EIF4EBP3: variants seen among roughly 807,000 people sequenced by gnomAD.
EIF4EBP3 encodes eukaryotic translation initiation factor 4E binding protein 3.
EIF4EBP3 carries 11 observed loss-of-function variants against 12.1 expected under a neutral mutation model. The ratio of observed to expected loss-of-function variants is 0.91; its 90% confidence interval spans 0.57 to 1.51. The LOEUF is 1.51. Ranked by LOEUF, EIF4EBP3 falls within the 40% of genes most tolerant of loss-of-function variation. The probability of loss-of-function intolerance (pLI) is 0.00; values close to 1 mark genes in which losing one functional copy is unlikely to be tolerated. For synonymous variants in EIF4EBP3, 43 were observed against 54.2 expected, an observed-to-expected ratio of 0.79 and a Z score of 0.91; for missense variants, 136 against 131.8, an observed-to-expected ratio of 1.03 and a Z score of -0.16.
At chr5:140,547,884 C>T (rs1399285564) in intron 1 of EIF4EBP3, 44 bp downstream of exon 1, 1 of 1,377,986 alleles carries the variant, frequency 7.3e-7, no homozygotes, top group Non-Finnish European at 9.5e-7. Flanking sequence ...GACATATTAG[C>T]GCGTGCGTGT....
Position 140,548,959 on chromosome 5 carries a change from A to G in EIF4EBP3, c.157A>G (p.Ile53Val), listed in dbSNP as rs745959281. The change falls in exon 2 of 3, where the codon ATT (isoleucine) becomes GTT (valine). Residue 53 changes from isoleucine to valine, a missense_variant. Ile to Val is a conservative substitution (Grantham distance 29, BLOSUM62 3). Coordinates refer to ENST00000310331, the MANE Select transcript of EIF4EBP3 (RefSeq NM_003732.3). ...CCTGCTGGAGTGCAAGAACTCACCC[A>G]TTGCCCGGACACCCCCCTGCTGCCT... ...KFLLECKNSP[I>V]ARTPPCCLPQ... is the part of the protein sequence containing the mutation. 2 of 1,613,922 alleles carry G rather than the reference A, an allele frequency of 1.2e-6. No homozygotes were observed. Among genetic ancestry groups the G allele is most frequent in the Admixed American group, 1.7e-5 (1 of 60,002 alleles).
rs755831605 is a variant in EIF4EBP3, at chr5:140,549,055, G to C, written c.253G>C (p.Glu85Gln). The C allele has an allele frequency of 6.2e-7, 1 of 1,614,064 alleles. No individual in the cohort carries two copies. Among genetic ancestry groups the C allele is most frequent in the Non-Finnish European group, 8.5e-7 (1 of 1,179,930 alleles). The change falls in exon 2 of 3, where the codon GAG becomes CAG. Residue 85 changes from glutamate to glutamine, a missense_variant. Glu to Gln is a conservative substitution (Grantham distance 29, BLOSUM62 2). Coordinates refer to ENST00000310331, the MANE Select transcript of EIF4EBP3 (RefSeq NM_003732.3). ...CAAGCTGGAGGAGCTGAAGGAGCAG[G>C]AGACAGAGGAAGAGATACCCGGTAA... ...LSKLEELKEQETEEEIPDDAQ... is the reference protein window; with the variant it reads ...LSKLEELKEQQTEEEIPDDAQ...
Position 140,547,836 on chromosome 5 carries a change from C to T in EIF4EBP3, c.99C>T (p.Pro33=), listed in dbSNP as rs1439549904. The change falls in exon 1 of 3, where the codon CCC becomes CCT. Residue 33 remains proline (P), a synonymous_variant. Transcript: ENST00000310331. ...GGGGCACGCTATACGCCACTACCCC[C>T]GGAGGTCAGCGGGCCGGGCAGGGGT... is the stretch of plus-strand genomic sequence containing the variant. ...TPGGTLYATT[P]GGTRIIYDRK... The T allele has an allele frequency of 4.2e-6, 6 of 1,445,146 alleles. No homozygotes were observed. The allele number at this position is 1,445,146 out of a possible 1,614,324, so 89.5% of individuals were successfully genotyped here.
Position 140,549,003 on chromosome 5 carries a change from C to T in EIF4EBP3, c.201C>T (p.Val67=). ...GCTGCCTCCCTCAGATTCCCGGGGT[C>T]ACAACTCCTCCAACAGCCCCTCTCT... ...PPCCLPQIPG[V]TTPPTAPLSK... The change falls in exon 2 of 3, where the codon GTC becomes GTT. Residue 67 remains valine (V), a synonymous_variant. Transcript: ENST00000310331. The T allele has an allele frequency of 6.2e-7, 1 of 1,614,126 alleles. No individual in the cohort carries two copies. The highest frequency in any genetic ancestry group is 1.3e-5 in the African/African-American group (1 of 75,028).
In EIF4EBP3 at chr5:140,547,845, G is replaced by A. The variant is rs1754415851; in HGVS notation, c.103+5G>A. 2.1e-6 allele frequency: 3 copies of A among 1,439,376 alleles called. No homozygotes were observed. The East Asian group carries it at 8.6e-5, about 41-fold the overall frequency. 89.2% of individuals were successfully genotyped at this position (1,439,376 alleles called of 1,614,324 possible). A position where few individuals can be genotyped will look rare whatever the true frequency, so the allele number is the denominator to read the frequency against. On this transcript the variant is annotated splice_donor_5th_base_variant and intron_variant, in intron 1 of 2. Coordinates refer to ENST00000310331, the MANE Select transcript of EIF4EBP3 (RefSeq NM_003732.3). ...TATACGCCACTACCCCCGGAGGTCAGCGGGCCGGGCAGGGGTCCGCAGGCT... is the reference window on the plus strand; with the variant it reads ...TATACGCCACTACCCCCGGAGGTCAACGGGCCGGGCAGGGGTCCGCAGGCT...
chr5:140,549,084 A>G lies in EIF4EBP3; in HGVS notation c.274+8A>G, dbSNP rs1754464954. 1 of 1,614,022 alleles carries G rather than the reference A, an allele frequency of 6.2e-7. No homozygotes were observed. The highest frequency in any genetic ancestry group is 1.3e-5 in the African/African-American group (1 of 75,028). On this transcript the variant is annotated splice_region_variant and intron_variant, in intron 2 of 2. Coordinates refer to ENST00000310331, the MANE Select transcript of EIF4EBP3 (RefSeq NM_003732.3). ...CAGAGGAAGAGATACCCGGTAAGGA[A>G]AGCAGGAATTAAGAATTGTCCCAGC...
chr5:140,548,801 T>C (rs549360878), intron 1 of EIF4EBP3, 105 bp from the exon 2 acceptor site: 6 of 1,457,842 alleles, frequency 4.1e-6, no homozygotes, highest in East Asian at 4.8e-5. Context: ...ACAGGGAAAT[T>C]TGACACCACC....
chr5:140,549,052 C>A lies in EIF4EBP3; in HGVS notation c.250C>A (p.Gln84Lys). 2 of 1,612,156 alleles carry A rather than the reference C, an allele frequency of 1.2e-6. No homozygotes were observed. The highest frequency in any genetic ancestry group is 1.7e-6 in the Non-Finnish European group (2 of 1,178,160). ...PLSKLEELKE[Q>K]ETEEEIPDDA... Reference sequence around the variant, plus strand: ...CTCCAAGCTGGAGGAGCTGAAGGAGCAGGAGACAGAGGAAGAGATACCCGG... The same window carrying A: ...CTCCAAGCTGGAGGAGCTGAAGGAGAAGGAGACAGAGGAAGAGATACCCGG... Residue 84 changes from glutamine to lysine, a missense_variant, in exon 2 of 3, where the codon CAG becomes AAG. By Grantham distance (53) the Gln-to-Lys change is moderately conservative (BLOSUM62 1). Transcript: ENST00000310331.
At chr5:140,547,869 CT>C in intron 1 of EIF4EBP3, 29 bp downstream of exon 1, 1 of 1,410,850 alleles carries the variant, frequency 7.1e-7, no homozygotes, top group South Asian at 1.5e-5. Flanking sequence ...GGTCCGCAGG[CT>C]GCGGACATAT....
chr5:140,549,242 C>T lies in EIF4EBP3; in HGVS notation c.283C>T (p.Gln95Ter), dbSNP rs1313605160. The T allele has an allele frequency of 3.7e-6, 6 of 1,614,206 alleles. No individual in the cohort carries two copies. Among genetic ancestry groups the T allele is most frequent in the Non-Finnish European group, 5.1e-6 (6 of 1,180,042 alleles). Residue 95 changes from glutamine (Q) to a stop codon, truncating the protein, a stop_gained, in exon 3 of 3, where the codon CAA (glutamine) becomes TAA (stop). Coordinates refer to ENST00000310331, the MANE Select transcript of EIF4EBP3 (RefSeq NM_003732.3). LOFTEE classifies it high-confidence loss of function. ...GCCTTTTCTCTCTCCAGATGACGCA[C>T]AATTTGAAATGGACATCTAATCCAG... The part of the protein sequence containing the change: ...ETEEEIPDDA[Q>*]FEMDI
chr5:140,548,132 A>G (rs990340853), intron 1 of EIF4EBP3, among the ~76,000 whole-genome samples: 4 of 152,214 alleles, frequency 2.6e-5, no homozygotes, highest in African/African-American at 9.6e-5. Context: ...CTTCCTAGGA[A>G]TAGGGGCCAG....
In EIF4EBP3 at chr5:140,549,222, TTC is replaced by T. The variant is rs1482210732; in HGVS notation, c.275-5_275-4del. 3 of 1,614,198 alleles carry T rather than the reference TTC, an allele frequency of 1.9e-6. No individual in the cohort carries two copies. Among genetic ancestry groups the T allele is most frequent in the Non-Finnish European group, 2.5e-6 (3 of 1,180,040 alleles). On this transcript the variant is annotated splice_polypyrimidine_tract_variant and intron_variant, in intron 2 of 2. Transcript: ENST00000310331. The stretch of plus-strand genomic sequence containing the variant: ...GACCAGCAACCTGTCTTCCTGCCTT[TTC>T]TCTCTCCAGATGACGCACAATTTGA...
chr5:140,547,806 G>A lies in EIF4EBP3; in HGVS notation c.69G>A (p.Thr23=), dbSNP rs1311158212. The change falls in exon 1 of 3, where the codon ACG becomes ACA. Residue 23 remains threonine (T), a synonymous_variant. Coordinates refer to ENST00000310331, the MANE Select transcript of EIF4EBP3 (RefSeq NM_003732.3). ...AGCTGCCCGACTGCTACAGCACCAC[G>A]CCGGGGGGCACGCTATACGCCACTA... ...RDQLPDCYST[T]PGGTLYATTP... 7.9e-6 allele frequency: 12 copies of A among 1,526,892 alleles called. No individual in the cohort carries two copies. Among genetic ancestry groups the A allele is most frequent in the Non-Finnish European group, 1.1e-5 (12 of 1,134,866 alleles). 94.6% of individuals were successfully genotyped at this position (1,526,892 alleles called of 1,614,324 possible). A position where few individuals can be genotyped will look rare whatever the true frequency, so the allele number is the denominator to read the frequency against.
chr5:140,548,922 C>T lies in EIF4EBP3; in HGVS notation c.120C>T (p.Tyr40=), dbSNP rs760060728. The T allele has an allele frequency of 1.9e-5, 30 of 1,613,596 alleles. No individual in the cohort carries two copies. The highest frequency in any genetic ancestry group is 2.7e-5 in the African/African-American group (2 of 74,894). ...ATTPGGTRII[Y]DRKFLLECKN... is the part of the protein sequence containing the mutation. Reference sequence around the variant, plus strand: ...CCTTGACAGGCACCAGGATCATCTACGACCGAAAGTTCCTGCTGGAGTGCA... The same window carrying T: ...CCTTGACAGGCACCAGGATCATCTATGACCGAAAGTTCCTGCTGGAGTGCA... The change falls in exon 2 of 3, where the codon TAC becomes TAT. Residue 40 remains tyrosine (Y), a synonymous_variant. Coordinates refer to ENST00000310331, the MANE Select transcript of EIF4EBP3 (RefSeq NM_003732.3).
At chr5:140,548,789 A>G (rs1754450671) in intron 1 of EIF4EBP3, 117 bp from the exon 2 acceptor site, 1 of 1,394,956 alleles carries the variant, frequency 7.2e-7, no homozygotes, top group Non-Finnish European at 9.6e-7. Flanking sequence ...GTCCTTTGAT[A>G]CACAGGGAAA....
chr5:140,549,528 G>C lies in EIF4EBP3; in HGVS notation c.*266G>C. ...CCTCTATGCTCAGGGGCTGGAACTG[G>C]GGAATGGAGTAAGTCACCTTCTGAC... On this transcript the variant is annotated 3_prime_UTR_variant, in exon 3 of 3. Transcript: ENST00000310331. The C allele has an allele frequency of 1.8e-6, 1 of 556,762 alleles. No individual in the cohort carries two copies. Among genetic ancestry groups the C allele is most frequent in the Non-Finnish European group, 3.2e-6 (1 of 310,108 alleles). 34.5% of individuals were successfully genotyped at this position (556,762 alleles called of 1,614,324 possible). A position where few individuals can be genotyped will look rare whatever the true frequency, so the allele number is the denominator to read the frequency against.
intron 1 of EIF4EBP3, among the ~76,000 whole-genome samples, chr5:140,548,404 T>C (rs894831793): frequency 6.6e-6 from 1 of 152,180 alleles, no homozygotes; most frequent in Non-Finnish European, 1.5e-5. Context: ...TTATAGGACC[T>C]GGGAGGGGTC....
At chr5:140,548,751 G>A (rs529504590) in intron 1 of EIF4EBP3, among the ~76,000 whole-genome samples, 155 bp from the exon 2 acceptor site, 17 of 152,254 alleles carry the variant, frequency 1.1e-4, no homozygotes, top group African/African-American at 3.4e-4. Flanking sequence ...CTTGTCTGCT[G>A]AGAACCTAGC....
chr5:140,548,384 A>G lies in EIF4EBP3; in HGVS notation c.104-522A>G, dbSNP rs941944923. Among the ~76,000 whole-genome samples, 14 of 152,224 alleles carry G rather than the reference A, an allele frequency of 9.2e-5. 1 individual carries two copies. The South Asian group carries it at 2.9e-3, about 31-fold the overall frequency. On this transcript the variant is annotated intron_variant, in intron 1 of 2. Coordinates refer to ENST00000310331, the MANE Select transcript of EIF4EBP3 (RefSeq NM_003732.3). The stretch of plus-strand genomic sequence containing the variant: ...TATGCGGGCCAAGTTCCTCTGAGCT[A>G]GTGTGAACCTTATAGGACCTGGGAG...
Sources: allele counts gnomAD v4.1 joint callset (sites outside exome capture counted in the v4.1 genomes callset), GRCh38; gene constraint gnomAD v4.1.1; transcripts MANE v1.5; gene names NCBI Gene and HGNC (gene_info 2026-07-23, HGNC 2026-07-21).